Variants in GRK2 observed in about 807,000 individuals in gnomAD.
The protein encoded by GRK2 is G protein-coupled receptor kinase 2.
In GRK2, 23 loss-of-function variants were observed where a neutral mutation model predicts 97.8. The observed-to-expected ratio is 0.24, with a 90% CI of 0.17 to 0.33. The LOEUF is 0.33. Ranked by LOEUF, GRK2 falls within the 10% of genes least tolerant of loss-of-function variation. The probability of loss-of-function intolerance (pLI) is 1.00; values close to 1 mark genes in which losing one functional copy is unlikely to be tolerated. For missense variants in GRK2, 633 were observed against 956.9 expected, an observed-to-expected ratio of 0.66 and a Z score of 4.47; for synonymous variants, 425 against 381.7, an observed-to-expected ratio of 1.11 and a Z score of -1.32.
At chr11:67,274,291 G>A (rs1859975782) in intron 1 of GRK2, among the ~76,000 whole-genome samples, 2 of 151,798 alleles carry the variant, frequency 1.3e-5, no homozygotes, top group Admixed American at 6.6e-5. Flanking sequence ...GATTACAGGC[G>A]TGAGCCACCG....
At position 67,281,763 on chromosome 11, in the gene GRK2, C is replaced by G; in HGVS notation, c.826+35C>G. 1.2e-6 allele frequency: 2 copies of G among 1,613,648 alleles called. No individual in the cohort carries two copies. Among genetic ancestry groups the G allele is most frequent in the Non-Finnish European group, 1.7e-6 (2 of 1,180,002 alleles). On this transcript the variant is annotated intron_variant, in intron 10 of 20. Transcript: ENST00000308595. The surrounding 1 kb of genome is among the most constrained non-coding windows in gnomAD (Gnocchi z 5.7). ...GGCCGGGCCCTAGGGTGGGCCGGGCCCAGGCACGGGAGGCTGGGGCAAGAC... is the reference window on the plus strand; with the variant it reads ...GGCCGGGCCCTAGGGTGGGCCGGGCGCAGGCACGGGAGGCTGGGGCAAGAC...
chr11:67,283,993 G>A lies in GRK2; in HGVS notation c.1491+44G>A, dbSNP rs879068221. ...CCTCTTGTACCTAGGCTGTGATCCT[G>A]GCCTGGGGAAGGATCCCTCTCCCTT... On this transcript the variant is annotated intron_variant, in intron 17 of 20. Coordinates refer to ENST00000308595, the MANE Select transcript of GRK2 (RefSeq NM_001619.5). 2.0e-6 allele frequency: 3 copies of A among 1,520,454 alleles called. No individual in the cohort carries two copies. In the Admixed American group the frequency reaches 5.6e-5, roughly 28 times the overall value. 94.2% of individuals were successfully genotyped at this position (1,520,454 alleles called of 1,614,324 possible). A position where few individuals can be genotyped will look rare whatever the true frequency, so the allele number is the denominator to read the frequency against.
At chr11:67,279,396 C>T in intron 3 of GRK2, 22 bp from the exon 4 acceptor site, 1 of 1,612,668 alleles carries the variant, frequency 6.2e-7, no homozygotes, top group Non-Finnish European at 8.5e-7. Context: ...TCTAGATGAC[C>T]TGCAGGAATC....
rs910623482 is a variant in GRK2 at position 67,286,371 on chromosome 11, A to G, written c.*921A>G. ...TCCTGTCAGTGCCGCCGCCTCGCCCACCGCATGCCCCCTCGTGCCAGTCGC... is the reference window on the plus strand; with the variant it reads ...TCCTGTCAGTGCCGCCGCCTCGCCCGCCGCATGCCCCCTCGTGCCAGTCGC... On this transcript the variant is annotated 3_prime_UTR_variant, in exon 21 of 21. Transcript: ENST00000308595. 2 of 697,180 alleles carry G rather than the reference A, an allele frequency of 2.9e-6. No individual in the cohort carries two copies. The highest frequency in any genetic ancestry group is 2.0e-5 in the Admixed American group (1 of 48,956). 43.2% of individuals were successfully genotyped at this position (697,180 alleles called of 1,614,324 possible). A position where few individuals can be genotyped will look rare whatever the true frequency, so the allele number is the denominator to read the frequency against.
At chr11:67,280,384 G>C (rs1860123071) in intron 6 of GRK2, 7 of 429,774 alleles carry the variant, frequency 1.6e-5, no homozygotes, top group Non-Finnish European at 3.0e-5. Context: ...AGTGAGCTCT[G>C]TGTCACTGGG....
chr11:67,281,575 G>T lies in GRK2; in HGVS notation c.747+17G>T. 1 of 1,612,600 alleles carries T rather than the reference G, an allele frequency of 6.2e-7. No individual in the cohort carries two copies. Among genetic ancestry groups the T allele is most frequent in the Non-Finnish European group, 8.5e-7 (1 of 1,179,352 alleles). On this transcript the variant is annotated intron_variant, in intron 9 of 20. Transcript: ENST00000308595. The surrounding 1 kb of genome is among the most constrained non-coding windows in gnomAD (Gnocchi z 5.7). ...AGCACTGGGGTGAGCTGGGTGGGCC[G>T]GGCTGCCGCTGAGGCTCTGGAACCC... is the stretch of plus-strand genomic sequence containing the variant.
Position 67,281,454 on chromosome 11 carries a change from C to T in GRK2, c.648-5C>T, listed in dbSNP as rs375171654. ...GGGTGTTGACTGCCGACCTCTGCCCCGTAGGTACGCCATGAAGTGCCTGGA... is the reference window on the plus strand; with the variant it reads ...GGGTGTTGACTGCCGACCTCTGCCCTGTAGGTACGCCATGAAGTGCCTGGA... On this transcript the variant is annotated splice_polypyrimidine_tract_variant and splice_region_variant and intron_variant, in intron 8 of 20. Transcript: ENST00000308595. The surrounding 1 kb of genome is among the most constrained non-coding windows in gnomAD (Gnocchi z 5.7). 44 of 1,613,156 alleles carry T rather than the reference C, an allele frequency of 2.7e-5. No individual in the cohort carries two copies. The highest frequency in any genetic ancestry group is 1.1e-4 in the African/African-American group (8 of 75,016).
chr11:67,283,026 C>T, intron 14 of GRK2, 102 bp from the exon 15 acceptor site: 1 of 1,274,970 alleles, frequency 7.8e-7, no homozygotes, highest in East Asian at 2.3e-5. Context: ...TGCTGTGCCC[C>T]ATCTGTCCCT....
chr11:67,281,416 CT>C lies in GRK2; in HGVS notation c.648-42del. 1 of 1,576,140 alleles carries C rather than the reference CT, an allele frequency of 6.3e-7. No individual in the cohort carries two copies. The highest frequency in any genetic ancestry group is 1.1e-5 in the South Asian group (1 of 90,260). On this transcript the variant is annotated intron_variant, in intron 8 of 20. Transcript: ENST00000308595. This position sits in a 1 kb window ranked among gnomAD's most constrained non-coding sequence, Gnocchi z 5.7. ...CGCCCCCTGAGGCAGCCCTGGGCCC[CT>C]GCTCTGAGGGTGGGTGTTGACTGCC...
chr11:67,280,900 C>T lies in GRK2; in HGVS notation c.555+117C>T. 4.5e-6 allele frequency: 6 copies of T among 1,319,668 alleles called. No individual in the cohort carries two copies. The South Asian group carries it at 7.1e-5, about 16-fold the overall frequency. 81.7% of individuals were successfully genotyped at this position (1,319,668 alleles called of 1,614,324 possible). On this transcript the variant is annotated intron_variant, in intron 7 of 20. Coordinates refer to ENST00000308595, the MANE Select transcript of GRK2 (RefSeq NM_001619.5). ...CAGGGGATGTCTGTCCTTTAGCCCC[C>T]AGGGCCGTGGCTATGGGGGTCAGGG... is the stretch of plus-strand genomic sequence containing the variant.
In GRK2 at chr11:67,279,794, C is replaced by T. The variant is rs879020915; in HGVS notation, c.442-45C>T. The T allele has an allele frequency of 9.3e-6, 15 of 1,612,882 alleles. No individual in the cohort carries two copies. In the Admixed American group the frequency reaches 1.5e-4, roughly 16 times the overall value. ...GCCAGGGGTGGGGCCTGGGCAACCACGGTCTCTCGGGGCTCAGTCACCAAC... is the reference window on the plus strand; with the variant it reads ...GCCAGGGGTGGGGCCTGGGCAACCATGGTCTCTCGGGGCTCAGTCACCAAC... On this transcript the variant is annotated intron_variant, in intron 5 of 20. Coordinates refer to ENST00000308595, the MANE Select transcript of GRK2 (RefSeq NM_001619.5).
chr11:67,282,677 C>T lies in GRK2; in HGVS notation c.1161-75C>T. ...TTGGCACCGTCCCTGACTTTGGCCA[C>T]AGCTCATCCATGCTGCCTGCCTCCC... On this transcript the variant is annotated intron_variant, in intron 13 of 20. Coordinates refer to ENST00000308595, the MANE Select transcript of GRK2 (RefSeq NM_001619.5). This position sits in a 1 kb window ranked among gnomAD's most constrained non-coding sequence, Gnocchi z 6.9. 6.3e-7 allele frequency: 1 copy of T among 1,585,694 alleles called. No individual in the cohort carries two copies. The highest frequency in any genetic ancestry group is 1.1e-5 in the South Asian group (1 of 88,984).
intron 5 of GRK2, 52 bp downstream of exon 5, chr11:67,279,752 G>T (rs752560885): frequency 6.2e-7 from 1 of 1,613,174 alleles, no homozygotes; most frequent in East Asian, 2.2e-5. Flanking sequence ...ACAGCCCCTG[G>T]TCAACAAGCC....
chr11:67,285,594 C>T lies in GRK2; in HGVS notation c.*144C>T. On this transcript the variant is annotated 3_prime_UTR_variant, in exon 21 of 21. Transcript: ENST00000308595. ...CTGGCCCAGCTCCCCCGGGAGGGGC[C>T]CGCTTGCCTCGGCTCCTGCTGCACC... 1.8e-6 allele frequency: 2 copies of T among 1,116,106 alleles called. No individual in the cohort carries two copies. The highest frequency in any genetic ancestry group is 2.4e-6 in the Non-Finnish European group (2 of 819,548). 69.1% of individuals were successfully genotyped at this position (1,116,106 alleles called of 1,614,324 possible). A position where few individuals can be genotyped will look rare whatever the true frequency, so the allele number is the denominator to read the frequency against.
At position 67,279,821 on chromosome 11, in the gene GRK2, T is replaced by C; in HGVS notation, c.442-18T>C. The C allele has an allele frequency of 6.2e-7, 1 of 1,613,912 alleles. No homozygotes were observed. Reference sequence around the variant, plus strand: ...GTCTCTCGGGGCTCAGTCACCAACTTCCAGCTTCCTCCCTTAGCCATACAT... The same window carrying C: ...GTCTCTCGGGGCTCAGTCACCAACTCCCAGCTTCCTCCCTTAGCCATACAT... On this transcript the variant is annotated intron_variant, in intron 5 of 20. Coordinates refer to ENST00000308595, the MANE Select transcript of GRK2 (RefSeq NM_001619.5).
intron 2 of GRK2, 87 bp downstream of exon 2, chr11:67,277,435 A>T: frequency 8.0e-7 from 1 of 1,252,556 alleles, no homozygotes. Context: ...CACTCTCCAG[A>T]GATTTGGCCT....
chr11:67,278,002 G>A (rs1465059870), intron 2 of GRK2, among the ~76,000 whole-genome samples: 1 of 152,236 alleles, frequency 6.6e-6, no homozygotes, highest in Non-Finnish European at 1.5e-5. Context: ...GGGGGAGTCG[G>A]TGTGTCAAGA....
rs1037157935 is a variant in GRK2 at position 67,266,478 on chromosome 11, C to G, written c.-222C>G. 18 of 144,396 alleles carry G rather than the reference C, an allele frequency of 1.2e-4. No individual in the cohort carries two copies. The highest frequency in any genetic ancestry group is 4.5e-4 in the African/African-American group (18 of 40,214). The allele number at this position is 144,396 out of a possible 1,614,324, so 8.9% of individuals were successfully genotyped here. On this transcript the variant is annotated 5_prime_UTR_variant, in exon 1 of 21. Transcript: ENST00000308595. ...GGCGGCGGCGCCCCGACTGCAGTCC[C>G]GGCGGGAGCGGAGCGCGAGCCGGGG...
chr11:67,279,953 A>C, intron 6 of GRK2, 53 bp downstream of exon 6: 1 of 1,568,608 alleles, frequency 6.4e-7, no homozygotes. Context: ...CCGCTCTCAG[A>C]AGGGGTATGG....
Sources: gnomAD v4.1 joint callset for allele counts (sites outside exome capture counted in the v4.1 genomes callset) on GRCh38, gnomAD v4.1.1 for gene constraint, Gnocchi (gnomAD v3.1) non-coding constraint, MANE v1.5 for transcripts, NCBI Gene and HGNC (gene_info 2026-07-23, HGNC 2026-07-21) for gene names.